Variants in ADK observed in about 807,000 individuals in gnomAD.
ADK encodes the protein adenosine kinase.
Under a neutral mutation model 44.7 loss-of-function variants are expected in ADK, and 24 were observed. The observed-to-expected ratio is 0.54, with a 90% CI of 0.39 to 0.76. The LOEUF (loss-of-function observed/expected upper bound fraction) is 0.76. Among genes scored for constraint, ADK ranks in the 30% least tolerant of loss-of-function variants. The probability of loss-of-function intolerance (pLI) is 0.00; values close to 1 mark genes in which losing one functional copy is unlikely to be tolerated. For synonymous variants in ADK, 128 were observed against 142.6 expected, an observed-to-expected ratio of 0.90 and a Z score of 0.73; for missense variants, 321 against 425.1, an observed-to-expected ratio of 0.76 and a Z score of 2.15.
intron 10 of ADK, among the ~76,000 whole-genome samples, chr10:74,696,312 C>T (rs373174124): frequency 8.6e-5 from 13 of 151,658 alleles, no homozygotes; most frequent in South Asian, 2.1e-4. Flanking sequence ...CAAGCCATTA[C>T]GCCTGGCCTG....
intron 7 of ADK, among the ~76,000 whole-genome samples, chr10:74,542,842 A>G (rs1849685189): frequency 6.6e-6 from 1 of 152,042 alleles, no homozygotes; most frequent in South Asian, 2.1e-4. Context: ...AAATCATTCC[A>G]TAAAAGCTCA....
intron 7 of ADK, among the ~76,000 whole-genome samples, chr10:74,569,241 G>A (rs1850831557): frequency 6.6e-6 from 1 of 152,176 alleles, no homozygotes; most frequent in South Asian, 2.1e-4. Context: ...AAACATACGT[G>A]TGCATGTGTC....
At chr10:74,458,665 A>C (rs1589131442) in intron 6 of ADK, among the ~76,000 whole-genome samples, 1 of 151,686 alleles carries the variant, frequency 6.6e-6, no homozygotes. Context: ...TTTGATACAA[A>C]CCATTCTATA....
intron 4 of ADK, among the ~76,000 whole-genome samples, chr10:74,368,305 G>T (rs1027707495): frequency 2.0e-5 from 3 of 151,990 alleles, no homozygotes; most frequent in Non-Finnish European, 4.4e-5. Context: ...TAGAGACAGG[G>T]TTTTTCTTGC....
intron 2 of ADK, among the ~76,000 whole-genome samples, chr10:74,207,024 CAA>C (rs1325537956): frequency 6.6e-6 from 1 of 152,134 alleles, no homozygotes; most frequent in Non-Finnish European, 1.5e-5. Context: ...AGTGGCGTGG[CAA>C]AGAGTGTGTG....
At chr10:74,172,273 G>A (rs1424732755) in intron 1 of ADK, among the ~76,000 whole-genome samples, 7 of 151,812 alleles carry the variant, frequency 4.6e-5, no homozygotes, top group South Asian at 2.1e-4. Context: ...CAGGTAGCTC[G>A]GACTACAGGT....
rs867143590 is a variant in ADK at position 74,267,468 on chromosome 10, T to C, written c.194+42877T>C. On this transcript the variant is annotated intron_variant, in intron 3 of 10. Transcript: ENST00000539909. Reference sequence around the variant, plus strand: ...TGATTCCTTGATTCCTGTTACATTTTTTTTTAAGATTCCAGATTGGGAATA... The same window carrying C: ...TGATTCCTTGATTCCTGTTACATTTCTTTTTAAGATTCCAGATTGGGAATA... Among the ~76,000 whole-genome samples the C allele has an allele frequency of 2.0e-4, 30 of 152,328 alleles. 1 individual carries two copies. The Middle Eastern group carries it at 0.017, about 86-fold the overall frequency.
At chr10:74,354,266 G>A (rs1039733913) in intron 4 of ADK, among the ~76,000 whole-genome samples, 4 of 152,114 alleles carry the variant, frequency 2.6e-5, no homozygotes, top group Admixed American at 2.0e-4. Context: ...ATCCTATGCT[G>A]CCCTGATAAG....
intron 6 of ADK, among the ~76,000 whole-genome samples, chr10:74,472,854 A>G (rs1846655010): frequency 1.3e-5 from 2 of 152,162 alleles, no homozygotes; most frequent in Admixed American, 1.3e-4. Flanking sequence ...TCCACATGCC[A>G]GCTATCTCAA....
intron 9 of ADK, among the ~76,000 whole-genome samples, chr10:74,604,662 T>C (rs1251817436): frequency 6.6e-6 from 1 of 152,198 alleles, no homozygotes; most frequent in Non-Finnish European, 1.5e-5. Flanking sequence ...TGTAGGCTTA[T>C]AGTATAGTTT....
chr10:74,393,189 G>A (rs557390741), intron 4 of ADK, among the ~76,000 whole-genome samples: 1 of 152,022 alleles, frequency 6.6e-6, no homozygotes, highest in East Asian at 1.9e-4. Flanking sequence ...CCAAATATTT[G>A]AGAACAGATT....
At chr10:74,537,274 G>A (rs1223422179) in intron 7 of ADK, among the ~76,000 whole-genome samples, 1 of 152,132 alleles carries the variant, frequency 6.6e-6, no homozygotes, top group African/African-American at 2.4e-5. Context: ...ATTGCATTTT[G>A]TACTTTTAAA....
intron 1 of ADK, among the ~76,000 whole-genome samples, chr10:74,188,434 C>T (rs191634057): frequency 2.3e-3 from 341 of 146,124 alleles, no homozygotes; most frequent in African/African-American, 8.0e-3. Context: ...CTGCAAGCTC[C>T]GCCTCCCGGG....
chr10:74,288,294 C>CTTGTCT (rs1847267395), intron 3 of ADK, among the ~76,000 whole-genome samples: 1 of 152,060 alleles, frequency 6.6e-6, no homozygotes, highest in Admixed American at 6.6e-5. Flanking sequence ...AGGTAGTTGC[C>CTTGTCT]TATTGGAATC....
At chr10:74,241,588 A>G (rs11598266) in intron 3 of ADK, among the ~76,000 whole-genome samples, 21 of 152,204 alleles carry the variant, frequency 1.4e-4, no homozygotes, top group African/African-American at 4.3e-4. Context: ...GTTTCACCAT[A>G]TTGGTCAGGC....
At chr10:74,583,118 T>C (rs546750967) in intron 7 of ADK, among the ~76,000 whole-genome samples, 2 of 152,234 alleles carry the variant, frequency 1.3e-5, no homozygotes, top group African/African-American at 4.8e-5. Context: ...ACTCATAGTT[T>C]GAAGGACAGC....
At chr10:74,407,171 G>T (rs1843971966) in intron 6 of ADK, among the ~76,000 whole-genome samples, 1 of 151,562 alleles carries the variant, frequency 6.6e-6, no homozygotes, top group Non-Finnish European at 1.5e-5. Flanking sequence ...GCTCAGGCTG[G>T]TCTCAAACTC....
At chr10:74,355,062 C>G (rs774564739) in intron 4 of ADK, among the ~76,000 whole-genome samples, 9 of 152,156 alleles carry the variant, frequency 5.9e-5, no homozygotes, top group Non-Finnish European at 1.3e-4. Context: ...GGGTCTTGCT[C>G]TGTCTCCTCC....
rs956496563 is a variant in ADK, at chr10:74,708,649, A to T, written c.*204A>T. ...AATCTAAAAAATGATGTTTATTTCCATAGTTTGATAGTGCCACTTAAATGC... is the reference window on the plus strand; with the variant it reads ...AATCTAAAAAATGATGTTTATTTCCTTAGTTTGATAGTGCCACTTAAATGC... On this transcript the variant is annotated 3_prime_UTR_variant, in exon 11 of 11. Coordinates refer to ENST00000539909, the MANE Select transcript of ADK (RefSeq NM_006721.4). 1 of 492,816 alleles carries T rather than the reference A, an allele frequency of 2.0e-6. No homozygotes were observed. The highest frequency in any genetic ancestry group is 3.6e-6 in the Non-Finnish European group (1 of 281,180). 30.5% of individuals were successfully genotyped at this position (492,816 alleles called of 1,614,324 possible).
Sources: allele counts gnomAD v4.1 joint callset (sites outside exome capture counted in the v4.1 genomes callset), GRCh38; gene constraint gnomAD v4.1.1; transcripts MANE v1.5; gene names NCBI Gene and HGNC (gene_info 2026-07-23, HGNC 2026-07-21).